DAAM2: variants seen among roughly 807,000 people sequenced by gnomAD.
DAAM2 encodes disheveled-associated activator of morphogenesis 2.
A neutral mutation model predicts 120.7 loss-of-function variants in DAAM2; 39 were observed. That is an observed-to-expected ratio of 0.32 (90% CI 0.25 to 0.42). The LOEUF (loss-of-function observed/expected upper bound fraction) is 0.42. Ranked by LOEUF, DAAM2 falls within the 10% of genes least tolerant of loss-of-function variation. The pLI, the probability that DAAM2 is intolerant of heterozygous loss-of-function variation, is 1.00. For missense variants in DAAM2, 1,283 were observed against 1,401.7 expected (o/e 0.92, Z 1.35); for synonymous variants, 488 against 524.9 (o/e 0.93, Z 0.96).
intron 22 of DAAM2, among the ~76,000 whole-genome samples, chr6:39,899,224 G>GA (rs1323691577): frequency 9.8e-5 from 15 of 152,322 alleles, no homozygotes; most frequent in African/African-American, 3.6e-4. Context: ...AAGTGCATGG[G>GA]AAAAAGAATC....
chr6:39,896,421 C>T (rs559382570), intron 19 of DAAM2, among the ~76,000 whole-genome samples: 71 of 152,224 alleles, frequency 4.7e-4, no homozygotes, highest in African/African-American at 1.6e-3. Context: ...CCAGGCTGGT[C>T]TCGAACTCCT....
intron 2 of DAAM2, among the ~76,000 whole-genome samples, chr6:39,858,695 T>C (rs1764099613): frequency 6.6e-6 from 1 of 152,208 alleles, no homozygotes; most frequent in South Asian, 2.1e-4. Flanking sequence ...ATAGTAACTC[T>C]ACATAAGTAC....
intron 1 of DAAM2, among the ~76,000 whole-genome samples, chr6:39,810,246 TAG>T (rs1188808563): frequency 3.3e-5 from 5 of 152,182 alleles, no homozygotes; most frequent in Admixed American, 2.0e-4. Flanking sequence ...GACCCATTCA[TAG>T]GAAGAAAGAA....
chr6:39,874,491 C>T (rs980088372), intron 10 of DAAM2, among the ~76,000 whole-genome samples: 1 of 152,176 alleles, frequency 6.6e-6, no homozygotes, highest in Non-Finnish European at 1.5e-5. Flanking sequence ...CCAGGGATTC[C>T]TGTGTTTCCT....
chr6:39,809,943 C>T (rs1762114958), intron 1 of DAAM2, among the ~76,000 whole-genome samples: 1 of 152,232 alleles, frequency 6.6e-6, no homozygotes, highest in Middle Eastern at 3.2e-3. Flanking sequence ...CTCTCTCTCT[C>T]TCTTCTTCAG....
In DAAM2 at chr6:39,902,041, G is replaced by A. The variant is rs1028533739; in HGVS notation, c.*4G>A. ...AATAAACCGGCTAAATTATTGACCTGGGGAACTAGCCACACAGGAGGCCGG... is the reference window on the plus strand; with the variant it reads ...AATAAACCGGCTAAATTATTGACCTAGGGAACTAGCCACACAGGAGGCCGG... On this transcript the variant is annotated 3_prime_UTR_variant, in exon 25 of 25. Transcript: ENST00000274867. 11 of 1,596,660 alleles carry A rather than the reference G, an allele frequency of 6.9e-6. No homozygotes were observed. In the African/African-American group the frequency reaches 1.5e-4, roughly 21 times the overall value.
In DAAM2 at chr6:39,904,448, T is replaced by C. The variant is rs73732316; in HGVS notation, c.*2411T>C. On this transcript the variant is annotated 3_prime_UTR_variant, in exon 25 of 25. Coordinates refer to ENST00000274867, the MANE Select transcript of DAAM2 (RefSeq NM_001201427.2). ...TTAATAGGTTGTTTCTTGGTCTTGC[T>C]TTCTTCATGCCCTCCCCACTGCTCC... 7.8e-3 allele frequency: 3,542 copies of C among 454,704 alleles called. 112 individuals carry two copies. Among genetic ancestry groups the C allele is most frequent in the African/African-American group, 0.064 (3,183 of 50,116 alleles). The allele number at this position is 454,704 out of a possible 1,614,324, so 28.2% of individuals were successfully genotyped here.
At chr6:39,880,656 C>G (rs192043195) in intron 14 of DAAM2, among the ~76,000 whole-genome samples, 8 of 152,150 alleles carry the variant, frequency 5.3e-5, no homozygotes, top group Non-Finnish European at 1.0e-4. Context: ...GTCTGTAAGT[C>G]AGTTTGCTCA....
chr6:39,900,237 C>T (rs1010097528), intron 23 of DAAM2, 29 bp downstream of exon 23: 4 of 1,603,454 alleles, frequency 2.5e-6, no homozygotes, highest in Middle Eastern at 1.7e-4. Context: ...CCACTGCTTG[C>T]CAACCCAGCC....
intron 21 of DAAM2, 55 bp downstream of exon 21, chr6:39,897,337 T>G: frequency 2.5e-6 from 3 of 1,206,774 alleles, no homozygotes; most frequent in Admixed American, 3.4e-5. Flanking sequence ...ATTCTTGTCT[T>G]ACTTTCCTCT....
intron 3 of DAAM2, among the ~76,000 whole-genome samples, chr6:39,864,219 C>T (rs1329474347): frequency 3.3e-5 from 5 of 152,140 alleles, no homozygotes; most frequent in African/African-American, 1.2e-4. Context: ...AGTTTCTGCC[C>T]GCGTCGTTGT....
chr6:39,853,060 G>C (rs1763873247), intron 1 of DAAM2, among the ~76,000 whole-genome samples: 1 of 152,192 alleles, frequency 6.6e-6, no homozygotes, highest in Non-Finnish European at 1.5e-5. Context: ...CATTGACAGG[G>C]AAGACAAGGT....
intron 1 of DAAM2, among the ~76,000 whole-genome samples, chr6:39,812,859 C>T (rs930338331): frequency 6.6e-6 from 1 of 152,092 alleles, no homozygotes; most frequent in South Asian, 2.1e-4. Flanking sequence ...CCAAGAATCC[C>T]AAATATATAA....
chr6:39,830,503 G>A (rs1218508092), intron 1 of DAAM2, among the ~76,000 whole-genome samples: 2 of 152,140 alleles, frequency 1.3e-5, no homozygotes, highest in Non-Finnish European at 2.9e-5. Flanking sequence ...CATCGTGAGT[G>A]GGGACAAGTG....
chr6:39,868,444 C>A (rs1333692582), intron 6 of DAAM2: 3 of 237,594 alleles, frequency 1.3e-5, no homozygotes, highest in Non-Finnish European at 1.7e-5. Flanking sequence ...AAACTGGGTC[C>A]TGACTCTGCA....
intron 11 of DAAM2, among the ~76,000 whole-genome samples, chr6:39,876,929 C>T (rs1764897199): frequency 6.6e-6 from 1 of 152,192 alleles, no homozygotes; most frequent in Non-Finnish European, 1.5e-5. Flanking sequence ...AGTAAACAGG[C>T]TCCCTGCTCT....
chr6:39,888,829 C>T (rs1467825274), intron 17 of DAAM2, 66 bp downstream of exon 17: 5 of 1,237,214 alleles, frequency 4.0e-6, no homozygotes, highest in Non-Finnish European at 5.8e-6. Context: ...TTCCCAACAG[C>T]CCCCAGGAGG....
Position 39,879,297 on chromosome 6 carries a change from C to T in DAAM2, c.1665C>T (p.Pro555=). The part of the protein sequence containing the change: ...PPLPFACCPP[P]PPPPLPPGGP... ...TGCCCTTTGCCTGTTGTCCCCCTCC[C>T]CCACCACCACCCCTTCCTCCCGGGG... The change falls in exon 14 of 25, where the codon CCC becomes CCT. Residue 555 remains proline, a synonymous_variant. Coordinates refer to ENST00000274867, the MANE Select transcript of DAAM2 (RefSeq NM_001201427.2). 6.8e-7 allele frequency: 1 copy of T among 1,479,962 alleles called. No homozygotes were observed. Among genetic ancestry groups the T allele is most frequent in the Middle Eastern group, 1.7e-4 (1 of 5,724 alleles). The allele number at this position is 1,479,962 out of a possible 1,614,324, so 91.7% of individuals were successfully genotyped here.
chr6:39,803,651 A>G (rs1390902891), intron 1 of DAAM2, among the ~76,000 whole-genome samples: 1 of 152,204 alleles, frequency 6.6e-6, no homozygotes, highest in Non-Finnish European at 1.5e-5. Context: ...CCGAATCTGA[A>G]GCTCATGCAT....
Sources: gnomAD v4.1 joint callset for allele counts (sites outside exome capture counted in the v4.1 genomes callset) on GRCh38, gnomAD v4.1.1 for gene constraint, MANE v1.5 for transcripts, NCBI Gene and HGNC (gene_info 2026-07-23, HGNC 2026-07-21) for gene names.